Variants in PTPN3 observed in about 807,000 individuals in gnomAD.
PTPN3 encodes the protein protein tyrosine phosphatase non-receptor type 3, also known as tyrosine-protein phosphatase non-receptor type 3.
Under a neutral mutation model 132.7 loss-of-function variants are expected in PTPN3, and 96 were observed. That is an observed-to-expected ratio of 0.72 (90% confidence interval 0.61 to 0.86). The LOEUF (loss-of-function observed/expected upper bound fraction) is 0.86, where lower values mean the gene tolerates loss of function less well. Ranked by LOEUF, PTPN3 falls within the 40% of genes least tolerant of loss-of-function variation. PTPN3 has a pLI of 0.00. For missense variants in PTPN3, 1,125 were observed against 1,159.6 expected, an observed-to-expected ratio of 0.97 and a Z score of 0.43; for synonymous variants, 398 against 429.0, an observed-to-expected ratio of 0.93 and a Z score of 0.89.
the PTPN3 span, among the ~76,000 whole-genome samples, chr9:109,516,579 A>G: frequency 6.6e-6 from 1 of 152,208 alleles, no homozygotes; most frequent in African/African-American, 2.4e-5. Flanking sequence ...AAACTCAGGC[A>G]TAGCCAGGTG....
intron 14 of PTPN3, among the ~76,000 whole-genome samples, chr9:109,417,421 C>T (rs982260311): frequency 2.0e-4 from 30 of 152,300 alleles, no homozygotes; most frequent in African/African-American, 6.7e-4. Context: ...ATTATTCATC[C>T]GATTTCTCTG....
At chr9:109,416,912 C>A (rs1842549275) in intron 14 of PTPN3, among the ~76,000 whole-genome samples, 1 of 152,194 alleles carries the variant, frequency 6.6e-6, no homozygotes, top group Non-Finnish European at 1.5e-5. Flanking sequence ...GATAAAATAG[C>A]AACCAGAAAG....
chr9:109,383,145 T>A (rs1192370585), intron 23 of PTPN3, among the ~76,000 whole-genome samples: 1 of 152,186 alleles, frequency 6.6e-6, no homozygotes, highest in Non-Finnish European at 1.5e-5. Context: ...ATCTCCTTCC[T>A]TTTAAAGGCT....
In PTPN3 at chr9:109,460,923, G is replaced by T. The variant is rs1454629561; in HGVS notation, c.138+2374C>A. Among the ~76,000 whole-genome samples the T allele has an allele frequency of 2.0e-5, 3 of 152,204 alleles. No individual in the cohort carries two copies. In the East Asian group the frequency reaches 5.8e-4, roughly 29 times the overall value. On this transcript the variant is annotated intron_variant, in intron 2 of 25. Transcript: ENST00000374541. The stretch of plus-strand genomic sequence containing the variant: ...AGTGCTCAGTAAACATATGCTGAAT[G>T]AATACATGAGTTATATACTAACAAA...
At chr9:109,467,456 A>G (rs1306457920) in intron 1 of PTPN3, among the ~76,000 whole-genome samples, 1 of 152,172 alleles carries the variant, frequency 6.6e-6, no homozygotes, top group African/African-American at 2.4e-5. Flanking sequence ...CAGGAAGACG[A>G]GGACTAAAGG....
At chr9:109,393,427 C>A (rs543309105) in intron 19 of PTPN3, among the ~76,000 whole-genome samples, 20 of 148,290 alleles carry the variant, frequency 1.3e-4, no homozygotes, top group Admixed American at 4.0e-4. Flanking sequence ...ACTCTTTCAC[C>A]CAGGCTGGAG....
At position 109,489,523 on chromosome 9, in the gene PTPN3, C is replaced by G. The variant is rs577626672; in HGVS notation, c.-18+8696G>C. Among the ~76,000 whole-genome samples the G allele has an allele frequency of 2.2e-3, 336 of 152,234 alleles. 1 individual carries two copies. The highest frequency in any genetic ancestry group is 7.5e-3 in the African/African-American group (312 of 41,540). ...CACGTCCGGATTTACCTAGGGCAGT[C>G]CCGGCTTAGACCCGTCAGTCATGTG... On this transcript the variant is annotated intron_variant, in intron 1 of 25. Transcript: ENST00000374541.
At chr9:109,413,929 C>T (rs977928429) in intron 14 of PTPN3, among the ~76,000 whole-genome samples, 7 of 152,166 alleles carry the variant, frequency 4.6e-5, no homozygotes, top group African/African-American at 1.7e-4. Flanking sequence ...CTCCCCGCCC[C>T]GCCGCCTGTG....
intron 1 of PTPN3, among the ~76,000 whole-genome samples, chr9:109,468,241 C>A (rs1846196231): frequency 6.6e-6 from 1 of 152,190 alleles, no homozygotes; most frequent in African/African-American, 2.4e-5. Context: ...ACAGCTGCTG[C>A]TGATGCATTT....
intron 1 of PTPN3, among the ~76,000 whole-genome samples, chr9:109,477,151 C>A (rs556942296): frequency 6.8e-4 from 103 of 152,280 alleles, no homozygotes; most frequent in African/African-American, 2.3e-3. Context: ...GGGAGGCAGA[C>A]GAATTACAGG....
In PTPN3 at chr9:109,433,054, G is replaced by T; in HGVS notation, c.764+19C>A. On this transcript the variant is annotated intron_variant, in intron 10 of 25. Coordinates refer to ENST00000374541, the MANE Select transcript of PTPN3 (RefSeq NM_002829.4). ...TTTAAAGCATGATTCAGAAAATAAT[G>T]AGAACTGTTTGCACTTACCAAGGAT... The T allele has an allele frequency of 6.2e-7, 1 of 1,611,858 alleles. No individual in the cohort carries two copies. Among genetic ancestry groups the T allele is most frequent in the Non-Finnish European group, 8.5e-7 (1 of 1,178,876 alleles).
chr9:109,438,190 GAT>G lies in PTPN3; in HGVS notation c.509_510del (p.Tyr170SerfsTer4). ...DYNSSIHHPG[Y>X]LSDSHFIPDQ... ...TCGGGTATAAAGTGACTATCGGAAA[GAT>G]AGCCTGGATGATGTATGGAAGAATT... On this transcript the variant is annotated frameshift_variant, in exon 8 of 26. Transcript: ENST00000374541. LOFTEE classifies it high-confidence loss of function. 1 of 1,613,370 alleles carries G rather than the reference GAT, an allele frequency of 6.2e-7. No individual in the cohort carries two copies.
At position 109,457,319 on chromosome 9, in the gene PTPN3, C is replaced by A. The variant is rs574197123; in HGVS notation, c.219G>T (p.Gln73His). Residue 73 changes from glutamine (Q) to histidine (H), a missense_variant, in exon 3 of 26, where the codon CAG becomes CAT. By Grantham distance (24) the Gln-to-His change is conservative. Coordinates refer to ENST00000374541, the MANE Select transcript of PTPN3 (RefSeq NM_002829.4). ...GVTEKEYFGL[Q>H]HDDDSVDSPR... ...GAGAGTCCACGGAGTCGTCATCATG[C>A]TGTAAACCAAAATATTCCTTTTCAG... The A allele has an allele frequency of 6.2e-7, 1 of 1,614,196 alleles. No individual in the cohort carries two copies. The highest frequency in any genetic ancestry group is 1.1e-5 in the South Asian group (1 of 91,088).
intron 12 of PTPN3, among the ~76,000 whole-genome samples, chr9:109,425,443 G>A (rs1409692573): frequency 6.6e-6 from 1 of 152,250 alleles, no homozygotes; most frequent in East Asian, 1.9e-4. Context: ...TGGCACGGTG[G>A]CTCATGCCTG....
chr9:109,492,590 A>G (rs1847512387), intron 1 of PTPN3, among the ~76,000 whole-genome samples: 1 of 152,264 alleles, frequency 6.6e-6, no homozygotes, highest in Non-Finnish European at 1.5e-5. Context: ...TAAAGGGAAT[A>G]GGTGCAATTA....
At chr9:109,415,100 A>G (rs903765887) in intron 14 of PTPN3, among the ~76,000 whole-genome samples, 5 of 151,804 alleles carry the variant, frequency 3.3e-5, no homozygotes, top group Admixed American at 2.6e-4. Context: ...CCATCCATCC[A>G]TCCATCCATC....
In PTPN3 at chr9:109,463,448, T is replaced by C. The variant is rs570061657; in HGVS notation, c.-14A>G. The C allele has an allele frequency of 2.7e-4, 428 of 1,603,530 alleles. 3 individuals are homozygous for C. The South Asian group carries it at 3.0e-3, about 11-fold the overall frequency. On this transcript the variant is annotated 5_prime_UTR_variant, in exon 2 of 26. Transcript: ENST00000374541. ...CCGGGAGGTCATAACTATCGCTGAATAACCTGTAACATAAAATATACCTGT... is the reference window on the plus strand; with the variant it reads ...CCGGGAGGTCATAACTATCGCTGAACAACCTGTAACATAAAATATACCTGT...
At chr9:109,534,278 G>T in the PTPN3 span, 14 of 1,542,840 alleles carry the variant, frequency 9.1e-6, no homozygotes, top group East Asian at 3.3e-4. Context: ...CTGAGGGCGG[G>T]GGGCGGCGAG....
In PTPN3 at chr9:109,420,476, C is replaced by A. The variant is rs1207054092; in HGVS notation, c.1261G>T (p.Ala421Ser). 15 of 1,612,392 alleles carry A rather than the reference C, an allele frequency of 9.3e-6. No homozygotes were observed. The highest frequency in any genetic ancestry group is 1.7e-4 in the Middle Eastern group (1 of 5,812). Residue 421 changes from alanine (A) to serine (S), a missense_variant, in exon 14 of 26, where the codon GCC becomes TCC. By Grantham distance (99) the Ala-to-Ser change is moderately conservative (BLOSUM62 1). Transcript: ENST00000374541. ...DVFYTYKGSL[A>S]PQDSDSEVSQ... ...ACTTCAGAATCGCTGTCTTGAGGGG[C>A]CAGAGAGCCCTTGTACGTGTAAAAT...
Sources: allele counts gnomAD v4.1 joint callset (sites outside exome capture counted in the v4.1 genomes callset), GRCh38; gene constraint gnomAD v4.1.1; transcripts MANE v1.5; gene names NCBI Gene and HGNC (gene_info 2026-07-23, HGNC 2026-07-21).